Variants in CCDC146 observed in about 807,000 individuals in gnomAD.
CCDC146 encodes coiled-coil domain-containing protein 146.
A neutral mutation model predicts 119.3 loss-of-function variants in CCDC146; 92 were observed. The ratio of observed to expected loss-of-function variants is 0.77; its 90% CI spans 0.65 to 0.92. CCDC146 has a LOEUF of 0.92. CCDC146 is among the 40% of genes least tolerant of loss of function. The pLI, the probability that CCDC146 is intolerant of heterozygous loss-of-function variation, is 0.00. For missense variants in CCDC146, 1,000 were observed against 1,103.0 expected, an observed-to-expected ratio of 0.91 and a Z score of 1.32; for synonymous variants, 372 against 371.8, an observed-to-expected ratio of 1.00 and a Z score of -0.01.
rs983340864 is a variant in CCDC146 at position 77,146,708 on chromosome 7, A to T, written c.-11-20950A>T. Among the ~76,000 whole-genome samples the T allele has an allele frequency of 4.6e-5, 7 of 152,128 alleles. No individual in the cohort carries two copies. The East Asian group carries it at 7.7e-4, about 17-fold the overall frequency. On this transcript the variant is annotated intron_variant, in intron 1 of 18. Coordinates refer to ENST00000285871, the MANE Select transcript of CCDC146 (RefSeq NM_020879.3). Reference sequence around the variant, plus strand: ...GGATATGAAATTCTGGGTTGAAAATAATTTTCTTTAAGAATGTTGAATATT... The same window carrying T: ...GGATATGAAATTCTGGGTTGAAAATTATTTTCTTTAAGAATGTTGAATATT...
intron 1 of CCDC146, among the ~76,000 whole-genome samples, chr7:77,149,095 AACCAAAACAGCATGGTACTGGC>A (rs1285367503): frequency 1.3e-5 from 2 of 152,222 alleles, no homozygotes; most frequent in Non-Finnish European, 2.9e-5. Context: ...AAGCTACAGG[AACCAAAACAGCATGGTACTGGC>A]ACCAAAACAG....
At position 77,196,782 on chromosome 7, in the gene CCDC146, C is replaced by CT; in HGVS notation, c.156+28961dup. ...TCCCTTCTGAGGTTTCCAAAGCCTGCTTTGTAGTCTTGCCATGTTCTGGTG... is the reference window on the plus strand; with the variant it reads ...TCCCTTCTGAGGTTTCCAAAGCCTGCTTTTGTAGTCTTGCCATGTTCTGGTG... On this transcript the variant is annotated intron_variant, in intron 2 of 18. Coordinates refer to ENST00000285871, the MANE Select transcript of CCDC146 (RefSeq NM_020879.3). This position sits in a 1 kb window ranked among gnomAD's most constrained non-coding sequence, Gnocchi z 4.2. The CT allele has an allele frequency of 6.2e-7, 1 of 1,614,140 alleles. No homozygotes were observed. Among genetic ancestry groups the CT allele is most frequent in the South Asian group, 1.1e-5 (1 of 91,080 alleles).
intron 1 of CCDC146, among the ~76,000 whole-genome samples, chr7:77,140,925 TA>T (rs200447918): frequency 0.011 from 1,632 of 152,184 alleles, 20 homozygotes; most frequent in African/African-American, 0.037. Flanking sequence ...CATTAGCCTT[TA>T]TTTTTTTTTA....
At chr7:77,142,513 C>A (rs892053172) in intron 1 of CCDC146, among the ~76,000 whole-genome samples, 2 of 151,842 alleles carry the variant, frequency 1.3e-5, no homozygotes, top group African/African-American at 4.8e-5. Context: ...GTGCTGCACC[C>A]ATTAACTCAT....
chr7:77,284,136 T>C (rs1227409378), intron 15 of CCDC146, among the ~76,000 whole-genome samples: 1 of 152,206 alleles, frequency 6.6e-6, no homozygotes, highest in Non-Finnish European at 1.5e-5. Flanking sequence ...TTCCTCAGGC[T>C]ACACCTACAC....
At chr7:77,255,517 T>C (rs1218521028) in intron 5 of CCDC146, 1 of 152,218 alleles carries the variant, frequency 6.6e-6, no homozygotes, top group Non-Finnish European at 1.5e-5. Flanking sequence ...CAAATAAGTA[T>C]GCCAAACCAT....
chr7:77,252,664 A>G (rs1793097818), intron 4 of CCDC146, among the ~76,000 whole-genome samples: 1 of 152,228 alleles, frequency 6.6e-6, no homozygotes, highest in African/African-American at 2.4e-5. Flanking sequence ...TTAACGCATC[A>G]CTGTAACTGG....
At chr7:77,256,250 G>C in intron 5 of CCDC146, 83 bp from the exon 6 acceptor site, 2 of 927,202 alleles carry the variant, frequency 2.2e-6, no homozygotes, top group South Asian at 1.8e-5. Flanking sequence ...AAAATGGTGG[G>C]TGAAATTAGT....
chr7:77,293,058 T>C lies in CCDC146; in HGVS notation c.2522T>C (p.Val841Ala). 15 of 1,614,080 alleles carry C rather than the reference T, an allele frequency of 9.3e-6. No homozygotes were observed. The highest frequency in any genetic ancestry group is 1.3e-5 in the Non-Finnish European group (15 of 1,179,996). ...QALTIELQKEVREKEDFIFTC... is the reference protein window; with the variant it reads ...QALTIELQKEAREKEDFIFTC... ...CTAACCATTGAACTCCAAAAGGAAG[T>C]CAGGGAGAAAGAAGACTTCATCTTC... The change falls in exon 18 of 19, where the codon GTC (valine) becomes GCC (alanine). Residue 841 changes from valine (V) to alanine (A), a missense_variant. Val to Ala is a moderately conservative substitution (Grantham distance 64). Coordinates refer to ENST00000285871, the MANE Select transcript of CCDC146 (RefSeq NM_020879.3).
intron 2 of CCDC146, among the ~76,000 whole-genome samples, chr7:77,226,779 C>G (rs1792523279): frequency 6.6e-6 from 1 of 152,176 alleles, no homozygotes; most frequent in African/African-American, 2.4e-5. Flanking sequence ...GAGTTCTGCA[C>G]CCACTTGTAT....
At chr7:77,241,002 T>G (rs959373003) in intron 3 of CCDC146, among the ~76,000 whole-genome samples, 19 of 149,414 alleles carry the variant, frequency 1.3e-4, no homozygotes, top group East Asian at 3.9e-4. Context: ...TTGTTTGTTT[T>G]TTTGGGTTTT....
At chr7:77,289,276 T>C (rs1296336271) in intron 17 of CCDC146, among the ~76,000 whole-genome samples, 1 of 152,234 alleles carries the variant, frequency 6.6e-6, no homozygotes, top group Non-Finnish European at 1.5e-5. Context: ...CAGAGTCGCC[T>C]GGAAGGCAAC....
intron 11 of CCDC146, among the ~76,000 whole-genome samples, chr7:77,276,812 T>G (rs1348516113): frequency 6.6e-6 from 1 of 152,164 alleles, no homozygotes; most frequent in African/African-American, 2.4e-5. Context: ...CTCTCACGCC[T>G]GTAATCCCAA....
chr7:77,204,495 C>A (rs1256831846), intron 2 of CCDC146, among the ~76,000 whole-genome samples: 1 of 152,136 alleles, frequency 6.6e-6, no homozygotes, highest in Non-Finnish European at 1.5e-5. Flanking sequence ...AATGAAAGAT[C>A]TATTATGGGA....
intron 2 of CCDC146, among the ~76,000 whole-genome samples, chr7:77,184,930 G>C (rs1791640747): frequency 6.6e-6 from 1 of 152,084 alleles, no homozygotes; most frequent in Non-Finnish European, 1.5e-5. Flanking sequence ...CCACTTCCTG[G>C]ATTCACACAG....
intron 17 of CCDC146, among the ~76,000 whole-genome samples, chr7:77,288,834 G>A (rs944899053): frequency 1.3e-5 from 2 of 152,174 alleles, no homozygotes; most frequent in Non-Finnish European, 2.9e-5. Context: ...GCTGTTCCTC[G>A]TTCTTAATTT....
chr7:77,245,578 GC>G (rs1447701780), intron 4 of CCDC146, among the ~76,000 whole-genome samples: 3 of 152,196 alleles, frequency 2.0e-5, no homozygotes, highest in Non-Finnish European at 2.9e-5. Context: ...CCGCACACGT[GC>G]AGGGCTGTCC....
chr7:77,138,490 C>A (rs945803291), intron 1 of CCDC146, among the ~76,000 whole-genome samples: 5 of 152,036 alleles, frequency 3.3e-5, no homozygotes, highest in African/African-American at 1.2e-4. Flanking sequence ...TTTTTAGATA[C>A]AACTCCAAAA....
At chr7:77,276,521 G>C (rs1431411288) in intron 11 of CCDC146, among the ~76,000 whole-genome samples, 3 of 152,188 alleles carry the variant, frequency 2.0e-5, no homozygotes, top group African/African-American at 7.2e-5. Flanking sequence ...TGGGAAGATG[G>C]GGAGAAAGGA....
Sources: gnomAD v4.1 joint callset for allele counts (sites outside exome capture counted in the v4.1 genomes callset) on GRCh38, gnomAD v4.1.1 for gene constraint, Gnocchi (gnomAD v3.1) non-coding constraint, MANE v1.5 for transcripts, NCBI Gene and HGNC (gene_info 2026-07-23, HGNC 2026-07-21) for gene names.